The following EXT2 variants were observed in gnomAD, a reference collection of about 807,000 sequenced individuals.
The protein encoded by EXT2 is exostosin glycosyltransferase 2.
Under a neutral mutation model 81.6 loss-of-function variants are expected in EXT2, and 53 were observed. The observed-to-expected ratio is 0.65, with a 90% CI of 0.52 to 0.82. The LOEUF (loss-of-function observed/expected upper bound fraction) is 0.82, where lower values mean the gene tolerates loss of function less well. Among genes scored for constraint, EXT2 ranks in the 40% least tolerant of loss-of-function variants. The pLI is 0.00. For synonymous variants in EXT2, 320 were observed against 340.0 expected (o/e 0.94, Z 0.65); for missense variants, 774 against 910.2 (o/e 0.85, Z 1.93).
At chr11:44,244,046 C>A in intron 13 of EXT2, 103 bp from the exon 14 acceptor site, 1 of 1,034,572 alleles carries the variant, frequency 9.7e-7, no homozygotes, top group Non-Finnish European at 1.5e-6. Flanking sequence ...ATGTATTTTG[C>A]TGTTATCTCT....
intron 10 of EXT2, among the ~76,000 whole-genome samples, chr11:44,227,721 A>G (rs557631395): frequency 6.6e-6 from 1 of 152,346 alleles, no homozygotes; most frequent in East Asian, 1.9e-4. Flanking sequence ...CCAAGTAAGC[A>G]TAGCTGAGAA....
Position 44,245,018 on chromosome 11 carries a change from A to G in EXT2, c.*731A>G, listed in dbSNP as rs886048281. On this transcript the variant is annotated 3_prime_UTR_variant, in exon 14 of 14. Coordinates refer to ENST00000533608, the MANE Select transcript of EXT2 (RefSeq NM_207122.2). Reference sequence around the variant, plus strand: ...ATTTAACTCCGTCTTTGGCCTGACAACAGTCTTCTGCCCATGTCTGGGAAC... The same window carrying G: ...ATTTAACTCCGTCTTTGGCCTGACAGCAGTCTTCTGCCCATGTCTGGGAAC... 39 of 232,318 alleles carry G rather than the reference A, an allele frequency of 1.7e-4. No individual in the cohort carries two copies. The highest frequency in any genetic ancestry group is 1.7e-5 in the Non-Finnish European group (2 of 117,628). 14.4% of individuals were successfully genotyped at this position (232,318 alleles called of 1,614,324 possible).
intron 13 of EXT2, among the ~76,000 whole-genome samples, chr11:44,237,902 TAAAAAA>T (rs374084527): frequency 7.1e-5 from 4 of 56,364 alleles, no homozygotes; most frequent in Admixed American, 4.7e-4. Flanking sequence ...CGTCTCTACT[TAAAAAA>T]AAAAAAAAAA....
intron 7 of EXT2, among the ~76,000 whole-genome samples, chr11:44,154,334 C>G (rs1332952920): frequency 1.3e-5 from 2 of 152,072 alleles, no homozygotes; most frequent in Admixed American, 1.3e-4. Flanking sequence ...TACCTTCTAT[C>G]TCTTTGAGTT....
At chr11:44,144,561 G>C (rs955981974) in intron 7 of EXT2, among the ~76,000 whole-genome samples, 13 of 152,190 alleles carry the variant, frequency 8.5e-5, no homozygotes, top group Non-Finnish European at 4.4e-5. Context: ...TGTTTTGCTA[G>C]GGACCTCACC....
chr11:44,161,787 A>T (rs919062208), intron 7 of EXT2, among the ~76,000 whole-genome samples: 5 of 152,218 alleles, frequency 3.3e-5, no homozygotes, highest in African/African-American at 1.2e-4. Flanking sequence ...TATTGGTAGC[A>T]TATGTCCCCT....
At chr11:44,101,113 T>G (rs1326072697) in intron 1 of EXT2, among the ~76,000 whole-genome samples, 1 of 148,250 alleles carries the variant, frequency 6.7e-6, no homozygotes, top group South Asian at 2.2e-4. Context: ...GGGTTGGGGG[T>G]GGGGTGGGGA....
chr11:44,173,047 A>G (rs1039995044), intron 8 of EXT2, among the ~76,000 whole-genome samples: 11 of 152,346 alleles, frequency 7.2e-5, no homozygotes, highest in South Asian at 4.1e-4. Context: ...CAGAAAAAAG[A>G]AGACAGTTCC....
At chr11:44,205,932 T>A (rs1174200954) in intron 9 of EXT2, among the ~76,000 whole-genome samples, 2 of 152,220 alleles carry the variant, frequency 1.3e-5, no homozygotes, top group Non-Finnish European at 2.9e-5. Context: ...TTTCATGCTA[T>A]GCTAAATGCA....
chr11:44,128,989 A>G (rs527374855), intron 6 of EXT2, among the ~76,000 whole-genome samples: 58 of 152,378 alleles, frequency 3.8e-4, no homozygotes, highest in African/African-American at 1.4e-3. Context: ...GAGTTTAATC[A>G]TTAATTTATA....
At chr11:44,230,609 G>A (rs1955887376) in intron 10 of EXT2, among the ~76,000 whole-genome samples, 1 of 152,192 alleles carries the variant, frequency 6.6e-6, no homozygotes, top group Non-Finnish European at 1.5e-5. Flanking sequence ...AGATGGCCTT[G>A]TGAAGATGGA....
rs1283868989 is a variant in EXT2, at chr11:44,244,245, T to C, written c.2115T>C (p.Phe705=). The C allele has an allele frequency of 6.8e-6, 11 of 1,613,986 alleles. No individual in the cohort carries two copies. Among genetic ancestry groups the C allele is most frequent in the African/African-American group, 1.3e-5 (1 of 74,904 alleles). The part of the protein sequence containing the change: ...RADPVLYKDD[F]PEKLKSFPNI... ...ACCCTGTCCTGTACAAAGATGACTT[T>C]CCTGAGAAGCTGAAGAGCTTCCCCA... Residue 705 remains phenylalanine, a synonymous_variant, in exon 14 of 14, where the codon TTT becomes TTC. Transcript: ENST00000533608.
At chr11:44,214,934 G>T (rs1955699522) in intron 10 of EXT2, among the ~76,000 whole-genome samples, 1 of 151,546 alleles carries the variant, frequency 6.6e-6, no homozygotes, top group African/African-American at 2.4e-5. Context: ...TTGGCGGGGG[G>T]TGGGGGCGGT....
In EXT2 at chr11:44,108,358, T is replaced by C. The variant is rs923221826; in HGVS notation, c.536+110T>C. 3.4e-6 allele frequency: 4 copies of C among 1,189,430 alleles called. No homozygotes were observed. In the African/African-American group the frequency reaches 6.0e-5, roughly 18 times the overall value. The allele number at this position is 1,189,430 out of a possible 1,614,324, so 73.7% of individuals were successfully genotyped here. ...TTCTGCTCTTGAGTTGGTTTCCCGA[T>C]GCTGTCTTCTTGCAGGACGGGGTGT... On this transcript the variant is annotated intron_variant, in intron 2 of 13. Coordinates refer to ENST00000533608, the MANE Select transcript of EXT2 (RefSeq NM_207122.2).
intron 8 of EXT2, among the ~76,000 whole-genome samples, chr11:44,176,491 T>A (rs1037775948): frequency 5.3e-5 from 8 of 152,224 alleles, no homozygotes; most frequent in Non-Finnish European, 1.5e-5. Context: ...CTTTCTTAAA[T>A]AATCCTTTTT....
At chr11:44,241,567 C>T (rs186110819) in intron 13 of EXT2, among the ~76,000 whole-genome samples, 74 of 152,300 alleles carry the variant, frequency 4.9e-4, no homozygotes, top group African/African-American at 1.1e-3. Context: ...GTTTCCTTCC[C>T]GGTTTCCCCA....
At chr11:44,172,272 C>G (rs1247817837) in intron 8 of EXT2, among the ~76,000 whole-genome samples, 1 of 152,208 alleles carries the variant, frequency 6.6e-6, no homozygotes, top group Admixed American at 6.5e-5. Context: ...CTAGCTACTT[C>G]CAGCAAAGAG....
At chr11:44,168,952 T>C (rs1187240351) in intron 7 of EXT2, among the ~76,000 whole-genome samples, 1 of 152,166 alleles carries the variant, frequency 6.6e-6, no homozygotes, top group Non-Finnish European at 1.5e-5. Context: ...CCAGACGCGG[T>C]GGCTCTTGCT....
chr11:44,202,399 C>G (rs1045268891), intron 9 of EXT2, among the ~76,000 whole-genome samples: 4 of 152,194 alleles, frequency 2.6e-5, no homozygotes, highest in Admixed American at 1.3e-4. Context: ...AGCCTAGTTT[C>G]TCTACATAGT....
Sources: gnomAD v4.1 joint callset for allele counts (sites outside exome capture counted in the v4.1 genomes callset) on GRCh38, gnomAD v4.1.1 for gene constraint, MANE v1.5 for transcripts, NCBI Gene and HGNC (gene_info 2026-07-23, HGNC 2026-07-21) for gene names.